SWI5: variants seen among roughly 807,000 people sequenced by gnomAD.
SWI5 encodes the protein SWI5 homologous recombination repair protein, also known as DNA repair protein SWI5 homolog.
SWI5 carries 12 observed loss-of-function variants against 17.0 expected under a neutral mutation model. The observed-to-expected ratio is 0.71, with a 90% CI of 0.45 to 1.14. The LOEUF (loss-of-function observed/expected upper bound fraction) is 1.14, where lower values mean the gene tolerates loss of function less well. Among genes scored for constraint, SWI5 ranks in the 50% most tolerant of loss-of-function variants. SWI5 has a pLI of 0.00. For synonymous variants in SWI5, 61 were observed against 64.0 expected, an observed-to-expected ratio of 0.95 and a Z score of 0.22; for missense variants, 158 against 162.2, an observed-to-expected ratio of 0.97 and a Z score of 0.14.
chr9:128,284,405 G>T (rs184142707), intron 2 of SWI5, 105 bp from the exon 3 acceptor site: 1 of 1,394,416 alleles, frequency 7.2e-7, no homozygotes, highest in East Asian at 2.4e-5. Context: ...AGGGGGTTAG[G>T]GTGCCTATTA....
intron 2 of SWI5, among the ~76,000 whole-genome samples, chr9:128,284,288 C>CAA (rs78361264): frequency 6.7e-4 from 53 of 79,264 alleles, no homozygotes; most frequent in South Asian, 8.5e-4. Context: ...GACTCCGTCT[C>CAA]AAAAAAAAAA....
At position 128,276,313 on chromosome 9, in the gene SWI5, C is replaced by T. The variant is rs766938158; in HGVS notation, c.-28C>T. ...GGGTCAGAGTTCCTGGCCCGGTGCA[C>T]CTGAGAGGTCGCTCTCCGACTCCCG... On this transcript the variant is annotated 5_prime_UTR_variant, in exon 1 of 5. Coordinates refer to ENST00000418976, the Ensembl canonical transcript of SWI5. 6.8e-6 allele frequency: 11 copies of T among 1,613,024 alleles called. 1 individual carries two copies. In the South Asian group the frequency reaches 9.9e-5, roughly 14 times the overall value.
intron 4 of SWI5, among the ~76,000 whole-genome samples, chr9:128,288,238 C>G (rs763768010): frequency 3.9e-5 from 6 of 152,120 alleles, no homozygotes; most frequent in African/African-American, 7.2e-5. Flanking sequence ...CAAACTCGAG[C>G]AGTGGGCCAT....
At chr9:128,283,524 G>C (rs540258182) in intron 2 of SWI5, among the ~76,000 whole-genome samples, 2 of 139,210 alleles carry the variant, frequency 1.4e-5, no homozygotes, top group East Asian at 4.5e-4. Flanking sequence ...ACAACAACCA[G>C]TGACATTGTA....
Position 128,285,887 on chromosome 9 carries a change from T to C in SWI5, c.234-52T>C. 1 of 1,288,462 alleles carries C rather than the reference T, an allele frequency of 7.8e-7. No homozygotes were observed. The highest frequency in any genetic ancestry group is 1.5e-5 in the African/African-American group (1 of 68,618). The allele number at this position is 1,288,462 out of a possible 1,614,324, so 79.8% of individuals were successfully genotyped here. A position where few individuals can be genotyped will look rare whatever the true frequency, so the allele number is the denominator to read the frequency against. ...TTACTATCTGAGCCTGGGGCCATCA[T>C]CTGCTTTCTTAACTGGGCTGTCTTT... is the stretch of plus-strand genomic sequence containing the variant. On this transcript the variant is annotated intron_variant, in intron 3 of 4. Coordinates refer to ENST00000418976, the Ensembl canonical transcript of SWI5. The surrounding 1 kb of genome is among the most constrained non-coding windows in gnomAD (Gnocchi z 4.8).
intron 1 of SWI5, 81 bp from the exon 2 acceptor site, chr9:128,276,626 C>T (rs1267688325): frequency 2.5e-6 from 4 of 1,612,932 alleles, no homozygotes; most frequent in Non-Finnish European, 3.4e-6. Flanking sequence ...CCAACTGCTC[C>T]TCCTCCCGCA....
At chr9:128,284,410 C>T in intron 2 of SWI5, 100 bp from the exon 3 acceptor site, 1 of 1,451,674 alleles carries the variant, frequency 6.9e-7, no homozygotes, top group African/African-American at 1.4e-5. Flanking sequence ...GTTAGGGTGC[C>T]TATTAGCAAG....
rs557445825 is a variant in SWI5 at position 128,281,785 on chromosome 9, C to T, written c.112-2725C>T. Among the ~76,000 whole-genome samples, 10 of 152,308 alleles carry T rather than the reference C, an allele frequency of 6.6e-5. 1 individual carries two copies. The South Asian group carries it at 1.9e-3, about 28-fold the overall frequency. On this transcript the variant is annotated intron_variant, in intron 2 of 4. Coordinates refer to ENST00000418976, the Ensembl canonical transcript of SWI5. ...TCGGGTGACGAAAAATGCTATAAAACATCAGGAGGCCAGGTGCGGTGGCTC... is the reference window on the plus strand; with the variant it reads ...TCGGGTGACGAAAAATGCTATAAAATATCAGGAGGCCAGGTGCGGTGGCTC...
chr9:128,276,650 C>T, intron 1 of SWI5, 57 bp from the exon 2 acceptor site: 1 of 1,614,008 alleles, frequency 6.2e-7, no homozygotes, highest in Non-Finnish European at 8.5e-7. Flanking sequence ...CCACAGTACC[C>T]CGTCCTCACA....
chr9:128,275,629 CG>C, upstream of SWI5: 4 of 641,924 alleles, frequency 6.2e-6, no homozygotes, highest in Non-Finnish European at 9.7e-6. Flanking sequence ...GGTCGGACTT[CG>C]GGGGGCAGGA....
intron 2 of SWI5, among the ~76,000 whole-genome samples, chr9:128,284,112 A>G (rs1338248793): frequency 1.3e-5 from 2 of 151,800 alleles, no homozygotes; most frequent in Non-Finnish European, 2.9e-5. Context: ...CCTGGCCAAT[A>G]TGGTGAAACC....
At chr9:128,283,036 C>A (rs951208570) in intron 2 of SWI5, among the ~76,000 whole-genome samples, 1 of 151,314 alleles carries the variant, frequency 6.6e-6, no homozygotes. Flanking sequence ...AAAATTAGGC[C>A]GGGAGCAGTG....
intron 2 of SWI5, among the ~76,000 whole-genome samples, chr9:128,284,288 C>CA (rs78361264): frequency 0.064 from 5,082 of 78,972 alleles, 137 homozygotes; most frequent in Middle Eastern, 0.086. Context: ...GACTCCGTCT[C>CA]AAAAAAAAAA....
chr9:128,278,180 C>G lies in SWI5; in HGVS notation c.111+1425C>G, dbSNP rs182353045. On this transcript the variant is annotated intron_variant, in intron 2 of 4. Transcript: ENST00000418976. ...ATGTTGCCCAGGCTGGTCTCAAACT[C>G]GTGAGCTCAAAGCAACCTGCCCGCC... 9.9e-4 allele frequency among the ~76,000 whole-genome samples: 151 copies of G among 152,066 alleles called. 2 individuals are homozygous for G. The Middle Eastern group carries it at 0.01, about 10-fold the overall frequency.
Position 128,285,480 on chromosome 9 carries a change from C to T in SWI5, c.234-459C>T, listed in dbSNP as rs1036111147. Among the ~76,000 whole-genome samples, 3 of 152,188 alleles carry T rather than the reference C, an allele frequency of 2.0e-5. No homozygotes were observed. Among genetic ancestry groups the T allele is most frequent in the Admixed American group, 2.0e-4 (3 of 15,276 alleles). On this transcript the variant is annotated intron_variant, in intron 3 of 4. Transcript: ENST00000418976. The surrounding 1 kb of genome is among the most constrained non-coding windows in gnomAD (Gnocchi z 4.8). The stretch of plus-strand genomic sequence containing the variant: ...TGTTCTCCACCTCTGCTTCCCTCTG[C>T]ACAGACTCCATTCTCTCCCTGCAGG...
In SWI5 at chr9:128,285,973, A is replaced by C; in HGVS notation, c.268A>C (p.Thr90Pro). The change falls in exon 4 of 5, where the codon ACC becomes CCC. Residue 90 changes from threonine (T) to proline (P), a missense_variant. Coordinates refer to ENST00000418976, the Ensembl canonical transcript of SWI5. This position sits in a 1 kb window ranked among gnomAD's most constrained non-coding sequence, Gnocchi z 4.8. ...TGTGGATGAACTGGAGGACCACATT[A>C]CCCAGCTTCACGAGTACAATGACAT... 1 of 1,614,092 alleles carries C rather than the reference A, an allele frequency of 6.2e-7. No homozygotes were observed. The highest frequency in any genetic ancestry group is 1.6e-4 in the Middle Eastern group (1 of 6,062).
chr9:128,275,835 C>A, upstream of SWI5: 2 of 897,964 alleles, frequency 2.2e-6, no homozygotes, highest in Non-Finnish European at 3.5e-6. Flanking sequence ...TGGCCATGGT[C>A]CTGCCATCGG....
At chr9:128,276,597 TC>T in intron 1 of SWI5, 109 bp from the exon 2 acceptor site, 2 of 1,608,290 alleles carry the variant, frequency 1.2e-6, no homozygotes, top group Non-Finnish European at 1.7e-6. Flanking sequence ...ATGGATCCAG[TC>T]CCTGGCGCTC....
intron 2 of SWI5, among the ~76,000 whole-genome samples, chr9:128,280,064 A>T (rs1477585299): frequency 6.6e-6 from 1 of 152,196 alleles, no homozygotes; most frequent in Non-Finnish European, 1.5e-5. Context: ...ATAATTGTCC[A>T]TGATCATCTC....
Sources: allele counts gnomAD v4.1 joint callset (sites outside exome capture counted in the v4.1 genomes callset), GRCh38; gene constraint gnomAD v4.1.1; non-coding constraint Gnocchi (gnomAD v3.1); transcripts MANE v1.5; gene names NCBI Gene and HGNC (gene_info 2026-07-23, HGNC 2026-07-21).